Variants in EBF1 observed in about 807,000 individuals in gnomAD.
The protein encoded by EBF1 is transcription factor COE1.
In EBF1, 10 loss-of-function variants were observed where a neutral mutation model predicts 68.4. That is an observed-to-expected ratio of 0.15 (90% CI 0.09 to 0.25). EBF1 has a LOEUF of 0.25. Among genes scored for constraint, EBF1 ranks in the 10% least tolerant of loss-of-function variants. The probability of loss-of-function intolerance (pLI) is 1.00; values close to 1 mark genes in which losing one functional copy is unlikely to be tolerated. For synonymous variants in EBF1, 298 were observed against 299.8 expected (o/e 0.99, Z 0.06); for missense variants, 509 against 794.4 (o/e 0.64, Z 4.32).
chr5:158,913,260 A>C (rs928156749), intron 6 of EBF1, among the ~76,000 whole-genome samples: 3 of 152,372 alleles, frequency 2.0e-5, no homozygotes, highest in African/African-American at 7.2e-5. Context: ...TGCATGTCAA[A>C]GTAATCAGTG....
At chr5:158,751,495 A>G (rs1431304385) in intron 10 of EBF1, among the ~76,000 whole-genome samples, 1 of 152,108 alleles carries the variant, frequency 6.6e-6, no homozygotes, top group Non-Finnish European at 1.5e-5. Context: ...CACACTTTTA[A>G]AAGACATACG....
At chr5:158,743,845 T>C (rs1408739024) in intron 10 of EBF1, among the ~76,000 whole-genome samples, 3 of 152,034 alleles carry the variant, frequency 2.0e-5, no homozygotes, top group Admixed American at 2.0e-4. Flanking sequence ...AAGATCTAGG[T>C]AAAAATATTT....
At chr5:158,755,817 C>A (rs1209548009) in intron 10 of EBF1, among the ~76,000 whole-genome samples, 4 of 152,052 alleles carry the variant, frequency 2.6e-5, no homozygotes, top group Non-Finnish European at 5.9e-5. Flanking sequence ...GAGTTTGGGT[C>A]AGGACCTATC....
chr5:159,027,735 T>C (rs1767978430), intron 6 of EBF1, among the ~76,000 whole-genome samples: 1 of 152,172 alleles, frequency 6.6e-6, no homozygotes, highest in African/African-American at 2.4e-5. Context: ...ACTTACTGGA[T>C]TGAAACAAGG....
chr5:159,033,260 A>G (rs1313962182), intron 6 of EBF1, among the ~76,000 whole-genome samples: 1 of 152,250 alleles, frequency 6.6e-6, no homozygotes, highest in Non-Finnish European at 1.5e-5. Flanking sequence ...GATTCTGAGC[A>G]TAACTCCAGA....
intron 14 of EBF1, among the ~76,000 whole-genome samples, chr5:158,710,580 G>T (rs1758988744): frequency 6.6e-6 from 1 of 152,106 alleles, no homozygotes; most frequent in Non-Finnish European, 1.5e-5. Context: ...GATTATTTGG[G>T]GAGTTGTAAA....
At chr5:158,725,202 G>C (rs1389258864) in intron 11 of EBF1, among the ~76,000 whole-genome samples, 2 of 152,150 alleles carry the variant, frequency 1.3e-5, no homozygotes, top group Non-Finnish European at 2.9e-5. Flanking sequence ...TGGCCACACA[G>C]CACCACCAGA....
chr5:158,927,828 TG>T (rs1444604486), intron 6 of EBF1, among the ~76,000 whole-genome samples: 1 of 152,240 alleles, frequency 6.6e-6, no homozygotes, highest in African/African-American at 2.4e-5. Context: ...ATTTAATCTT[TG>T]TAACAAATCA....
At chr5:158,763,622 T>C (rs1275269564) in intron 10 of EBF1, among the ~76,000 whole-genome samples, 1 of 152,222 alleles carries the variant, frequency 6.6e-6, no homozygotes, top group Non-Finnish European at 1.5e-5. Flanking sequence ...ATTAAGCGTC[T>C]ATACCACCTC....
At chr5:158,740,637 G>A (rs780417160) in intron 10 of EBF1, among the ~76,000 whole-genome samples, 2 of 152,212 alleles carry the variant, frequency 1.3e-5, no homozygotes, top group Non-Finnish European at 2.9e-5. Context: ...AGTATGCCAT[G>A]CAGCGAGCTA....
chr5:158,726,994 A>C (rs1862178), intron 11 of EBF1, among the ~76,000 whole-genome samples: 1,571 of 152,308 alleles, frequency 0.01, 27 homozygotes, highest in African/African-American at 0.036. Context: ...TCTTGGCATA[A>C]ATTATCTCAT....
intron 6 of EBF1, among the ~76,000 whole-genome samples, chr5:159,045,350 C>A (rs1011309057): frequency 4.6e-5 from 7 of 151,820 alleles, no homozygotes; most frequent in Non-Finnish European, 8.8e-5. Context: ...ATACACAGTT[C>A]CTCCCTCCCT....
rs1384938942 is a variant in EBF1, at chr5:158,714,101, C to T, written c.1191+16G>A. The T allele has an allele frequency of 1.2e-6, 2 of 1,613,948 alleles. No individual in the cohort carries two copies. The highest frequency in any genetic ancestry group is 1.3e-5 in the African/African-American group (1 of 74,936). ...CATGTGGCAGTCCACACAGGCTAGACACCCACAGCGCTCACCTGGTTGTTG... is the reference window on the plus strand; with the variant it reads ...CATGTGGCAGTCCACACAGGCTAGATACCCACAGCGCTCACCTGGTTGTTG... On this transcript the variant is annotated intron_variant, in intron 12 of 15. Transcript: ENST00000313708.
At chr5:158,711,982 G>T (rs1053517096) in intron 14 of EBF1, among the ~76,000 whole-genome samples, 172 bp downstream of exon 14, 11 of 152,250 alleles carry the variant, frequency 7.2e-5, no homozygotes, top group Admixed American at 2.0e-4. Context: ...GGAGAGCGGA[G>T]ATTCCTGCTG....
intron 10 of EBF1, among the ~76,000 whole-genome samples, chr5:158,758,968 C>T (rs754803032): frequency 1.3e-5 from 2 of 152,152 alleles, no homozygotes; most frequent in Non-Finnish European, 2.9e-5. Flanking sequence ...TCATTCTTTG[C>T]ACTGTTTGGC....
chr5:159,050,576 T>C (rs1773396750), intron 6 of EBF1, among the ~76,000 whole-genome samples: 1 of 152,166 alleles, frequency 6.6e-6, no homozygotes, highest in African/African-American at 2.4e-5. Flanking sequence ...GTCTCAGTCA[T>C]AGCTCTCAGA....
At chr5:159,076,912 A>G (rs1352793827) in intron 5 of EBF1, among the ~76,000 whole-genome samples, 1 of 152,248 alleles carries the variant, frequency 6.6e-6, no homozygotes, top group Non-Finnish European at 1.5e-5. Flanking sequence ...GCAGCATTAA[A>G]AAGAATGAAG....
At chr5:158,878,644 C>CT (rs11445047) in intron 6 of EBF1, among the ~76,000 whole-genome samples, 139,194 of 140,634 alleles carry the variant, frequency 0.99, 68,887 homozygotes, top group South Asian at 1. Context: ...TCTAGCCAGC[C>CT]TTTTTTTTTT....
intron 5 of EBF1, among the ~76,000 whole-genome samples, chr5:159,083,988 A>G (rs1293404039): frequency 6.6e-6 from 1 of 152,234 alleles, no homozygotes; most frequent in Non-Finnish European, 1.5e-5. Flanking sequence ...GCCTGTTTTC[A>G]AATGTAGCTT....
Sources: gnomAD v4.1 joint callset for allele counts (sites outside exome capture counted in the v4.1 genomes callset) on GRCh38, gnomAD v4.1.1 for gene constraint, MANE v1.5 for transcripts, NCBI Gene and HGNC (gene_info 2026-07-23, HGNC 2026-07-21) for gene names.